Variants in WNK2 observed in about 807,000 individuals in gnomAD.
WNK2 encodes WNK lysine deficient protein kinase 2.
In WNK2, 67 loss-of-function variants were observed where a neutral mutation model predicts 192.1. The observed-to-expected ratio is 0.35, with a 90% CI of 0.29 to 0.43. WNK2 has a LOEUF of 0.43. Ranked by LOEUF, WNK2 falls within the 20% of genes least tolerant of loss-of-function variation. The pLI is 1.00. For synonymous variants in WNK2, 1,439 were observed against 1,393.9 expected (o/e 1.03, Z -0.72); for missense variants, 2,698 against 3,089.7 (o/e 0.87, Z 3.01).
intron 7 of WNK2, among the ~76,000 whole-genome samples, chr9:93,246,152 G>A (rs577652974): frequency 2.0e-5 from 3 of 152,284 alleles, no homozygotes; most frequent in African/African-American, 7.2e-5. Flanking sequence ...CCATCATTGT[G>A]TTACTGTTCA....
intron 28 of WNK2, chr9:93,308,891 G>C (rs766367817): frequency 4.8e-6 from 6 of 1,256,852 alleles, no homozygotes; most frequent in Middle Eastern, 3.1e-4. Context: ...CCCGCACTCA[G>C]AGCAGGTAGC....
intron 2 of WNK2, among the ~76,000 whole-genome samples, chr9:93,204,885 C>T (rs1288943370): frequency 6.6e-6 from 1 of 152,208 alleles, no homozygotes; most frequent in African/African-American, 2.4e-5. Flanking sequence ...TGGACTGACC[C>T]TGTCCTGCCT....
chr9:93,254,721 TGG>T (rs1843045982), intron 9 of WNK2, among the ~76,000 whole-genome samples: 1 of 152,126 alleles, frequency 6.6e-6, no homozygotes, highest in Admixed American at 6.5e-5. Flanking sequence ...CCTAGCATTT[TGG>T]GAGCCGAAGG....
chr9:93,241,376 C>T (rs1007770571), intron 7 of WNK2, among the ~76,000 whole-genome samples: 3 of 152,206 alleles, frequency 2.0e-5, no homozygotes, highest in Admixed American at 6.5e-5. Context: ...GAAATAAATC[C>T]GGTGTGCTCA....
At chr9:93,199,261 G>A (rs142232623) in intron 2 of WNK2, among the ~76,000 whole-genome samples, 7 of 152,322 alleles carry the variant, frequency 4.6e-5, no homozygotes, top group African/African-American at 1.7e-4. Context: ...GGACTGAGCC[G>A]AGATGCTTGC....
intron 2 of WNK2, among the ~76,000 whole-genome samples, chr9:93,190,319 C>A (rs1319280499): frequency 6.6e-6 from 1 of 152,202 alleles, no homozygotes; most frequent in Non-Finnish European, 1.5e-5. Flanking sequence ...TGCAGGTCAC[C>A]GTCATGGGGG....
intron 28 of WNK2, among the ~76,000 whole-genome samples, chr9:93,315,297 G>A (rs1259455004): frequency 6.6e-6 from 1 of 152,176 alleles, no homozygotes; most frequent in African/African-American, 2.4e-5. Context: ...AATTGTGTAA[G>A]CTCAACCTAC....
intron 5 of WNK2, among the ~76,000 whole-genome samples, chr9:93,235,436 G>A (rs1588089111): frequency 6.6e-6 from 1 of 152,254 alleles, no homozygotes; most frequent in Non-Finnish European, 1.5e-5. Flanking sequence ...CCTACACCAA[G>A]TGTGTCTCTA....
chr9:93,239,995 G>C lies in WNK2; in HGVS notation c.1542+19G>C, dbSNP rs545058723. On this transcript the variant is annotated intron_variant, in intron 7 of 29. Coordinates refer to ENST00000427277, the MANE Select transcript of WNK2 (RefSeq NM_006648.4). This position sits in a 1 kb window ranked among gnomAD's most constrained non-coding sequence, Gnocchi z 4.2. The stretch of plus-strand genomic sequence containing the variant: ...AGAGATGGTAAGCAGGACTCAGATG[G>C]GGTGAGGTGGGTGCAGGTGTTGGCA... 1.8e-5 allele frequency: 28 copies of C among 1,599,448 alleles called. No homozygotes were observed. The African/African-American group carries it at 2.7e-4, about 15-fold the overall frequency.
intron 19 of WNK2, among the ~76,000 whole-genome samples, chr9:93,281,803 T>G (rs1177175081): frequency 6.6e-6 from 1 of 152,236 alleles, no homozygotes; most frequent in Non-Finnish European, 1.5e-5. Flanking sequence ...TGGAAGCCCC[T>G]GTCTCAGTAC....
At chr9:93,196,687 A>G (rs558618812) in intron 2 of WNK2, among the ~76,000 whole-genome samples, 164 of 152,172 alleles carry the variant, frequency 1.1e-3, no homozygotes, top group Non-Finnish European at 1.5e-3. Context: ...TGTGTGGCCA[A>G]CTGTAACTGT....
intron 9 of WNK2, among the ~76,000 whole-genome samples, chr9:93,253,439 T>C (rs907603913): frequency 6.6e-6 from 1 of 151,838 alleles, no homozygotes; most frequent in Non-Finnish European, 1.5e-5. Flanking sequence ...GCGGGCACAG[T>C]GATAATGGTG....
chr9:93,289,049 C>G lies in WNK2; in HGVS notation c.4295C>G (p.Thr1432Arg), dbSNP rs373618412. 1 of 1,605,032 alleles carries G rather than the reference C, an allele frequency of 6.2e-7. No individual in the cohort carries two copies. Among genetic ancestry groups the G allele is most frequent in the African/African-American group, 1.3e-5 (1 of 74,770 alleles). ...TPQGLTSELETSQPLAETHEA... is the reference protein window; with the variant it reads ...TPQGLTSELERSQPLAETHEA... Reference sequence around the variant, plus strand: ...CAGGGGCTGACCAGTGAGCTCGAGACGTCTCAGCCACTAGCGGAGACTCAC... The same window carrying G: ...CAGGGGCTGACCAGTGAGCTCGAGAGGTCTCAGCCACTAGCGGAGACTCAC... The change falls in exon 20 of 30, where the codon ACG becomes AGG. Residue 1432 changes from threonine to arginine, a missense_variant. This residue lies in a region of WNK2 where 1,098 missense variants were observed against 1,101.0 expected (regional missense o/e 1.00). Coordinates refer to ENST00000427277, the MANE Select transcript of WNK2 (RefSeq NM_006648.4).
intron 7 of WNK2, among the ~76,000 whole-genome samples, chr9:93,245,626 A>T (rs1273114496): frequency 6.6e-6 from 1 of 152,202 alleles, no homozygotes; most frequent in East Asian, 1.9e-4. Context: ...TACGTGTCTC[A>T]TGGAGAATGT....
intron 8 of WNK2, among the ~76,000 whole-genome samples, chr9:93,249,204 G>A (rs1455142089): frequency 1.3e-5 from 2 of 152,178 alleles, no homozygotes; most frequent in Non-Finnish European, 2.9e-5. Flanking sequence ...GTAATTGTGG[G>A]TTAAATAATT....
At chr9:93,307,696 A>G (rs1457782139) in intron 27 of WNK2, 1 of 152,242 alleles carries the variant, frequency 6.6e-6, no homozygotes, top group African/African-American at 2.4e-5. Context: ...CCCTTTATGA[A>G]TACCTTCCTC....
At chr9:93,319,234 A>C (rs1588686236) in intron 29 of WNK2, 1 of 1,602,528 alleles carries the variant, frequency 6.2e-7, no homozygotes, top group Non-Finnish European at 8.5e-7. Flanking sequence ...TCTTTTTCTT[A>C]CCCTCTATCC....
intron 29 of WNK2, 98 bp downstream of exon 29, chr9:93,317,729 A>AGGCCAGGTG: frequency 6.7e-7 from 1 of 1,498,216 alleles, no homozygotes; most frequent in Non-Finnish European, 9.1e-7. Flanking sequence ...GGCCCTGGGC[A>AGGCCAGGTG]GGCCAGGTGG....
At position 93,274,525 on chromosome 9, in the gene WNK2, A is replaced by G. The variant is rs1436068619; in HGVS notation, c.4033+5779A>G. 4.6e-3 allele frequency among the ~76,000 whole-genome samples: 626 copies of G among 137,510 alleles called. 5 individuals carry two copies. The highest frequency in any genetic ancestry group is 0.014 in the African/African-American group (533 of 38,400). 90.2% of individuals were successfully genotyped at this position (137,510 alleles called of 152,430 possible). On this transcript the variant is annotated intron_variant, in intron 19 of 29. Transcript: ENST00000427277. ...AGGCTCCGTCTCAACCAAAAAAAAA[A>G]AAAAAAAAAAAAAGAAAAAAAACAC... is the stretch of plus-strand genomic sequence containing the variant.
Sources: gnomAD v4.1 joint callset for allele counts (sites outside exome capture counted in the v4.1 genomes callset) on GRCh38, gnomAD v4.1.1 for gene constraint, gnomAD v4.1.1 regional missense constraint, Gnocchi (gnomAD v3.1) non-coding constraint, MANE v1.5 for transcripts, NCBI Gene and HGNC (gene_info 2026-07-23, HGNC 2026-07-21) for gene names.